MID2: variants seen among roughly 807,000 people sequenced by gnomAD.
MID2 encodes probable E3 ubiquitin-protein ligase MID2.
A neutral mutation model predicts 46.1 loss-of-function variants in MID2; 13 were observed. The ratio of observed to expected loss-of-function variants is 0.28; its 90% CI spans 0.18 to 0.45. The LOEUF is 0.45. Ranked by LOEUF, MID2 falls within the 20% of genes least tolerant of loss-of-function variation. The probability of loss-of-function intolerance (pLI) is 1.00; values close to 1 mark genes in which losing one functional copy is unlikely to be tolerated. For missense variants in MID2, 431 were observed against 575.4 expected (o/e 0.75, Z 2.57); for synonymous variants, 199 against 212.3 (o/e 0.94, Z 0.55).
chrX:107,877,841 G>A (rs1602480462), intron 3 of MID2, among the ~76,000 whole-genome samples: 2 of 110,819 alleles, frequency 1.8e-5, no homozygotes, highest in African/African-American at 6.6e-5. Context: ...TTAAAATTGA[G>A]TTTAGGGCAA....
chrX:107,908,294 C>T (rs948714041), intron 5 of MID2, among the ~76,000 whole-genome samples: 1 of 111,897 alleles, frequency 8.9e-6, no homozygotes, highest in African/African-American at 3.3e-5. Flanking sequence ...CACTTCCTTC[C>T]TCTCTATTCG....
rs1238961312 is a variant in MID2 at position 107,930,286 on chromosome X, G to A, written c.*3213G>A. On this transcript the variant is annotated 3_prime_UTR_variant, in exon 10 of 10. Coordinates refer to ENST00000262843, the MANE Select transcript of MID2 (RefSeq NM_012216.4). ...GCTTGGTTACTACTCCATTTGAGCTGTATTAATTCTATTTTGCAGAGATAT... is the reference window on the plus strand; with the variant it reads ...GCTTGGTTACTACTCCATTTGAGCTATATTAATTCTATTTTGCAGAGATAT... Among the ~76,000 whole-genome samples the A allele has an allele frequency of 8.9e-6, 1 of 111,736 alleles. No individual in the cohort carries two copies. Among genetic ancestry groups the A allele is most frequent in the Admixed American group, 9.5e-5 (1 of 10,562 alleles).
chrX:107,926,528 A>G (rs1174498214), intron 9 of MID2, 143 bp from the exon 10 acceptor site: 37 of 627,591 alleles, frequency 5.9e-5, no homozygotes, highest in Non-Finnish European at 8.2e-5. Context: ...TTAAAGCTCT[A>G]GTGATATCAG....
At chrX:107,887,963 T>C (rs1162179086) in intron 3 of MID2, among the ~76,000 whole-genome samples, 1 of 111,993 alleles carries the variant, frequency 8.9e-6, no homozygotes, top group Non-Finnish European at 1.9e-5. Flanking sequence ...GTGGGATCGG[T>C]GGTGATATCT....
chrX:107,840,597 G>A, intron 1 of MID2, 73 bp from the exon 2 acceptor site: 1 of 844,304 alleles, frequency 1.2e-6, no homozygotes, highest in Non-Finnish European at 1.7e-6. Flanking sequence ...GCGCCCATTG[G>A]TTAGTGTATA....
chrX:107,871,642 A>C (rs770408834), intron 3 of MID2, among the ~76,000 whole-genome samples: 1 of 111,199 alleles, frequency 9.0e-6, no homozygotes, highest in East Asian at 2.8e-4. Context: ...TTTTATTGCC[A>C]ATGAAAGTGG....
chrX:107,851,853 CTTTT>C (rs1322310910), intron 2 of MID2, among the ~76,000 whole-genome samples: 20 of 81,530 alleles, frequency 2.5e-4, no homozygotes, highest in South Asian at 1.5e-3. Flanking sequence ...TTTCTTTATA[CTTTT>C]TATTTATTTA....
chrX:107,866,437 ACACAC>A (rs1931958495), intron 3 of MID2, among the ~76,000 whole-genome samples: 1 of 88,708 alleles, frequency 1.1e-5, no homozygotes, highest in Non-Finnish European at 2.2e-5. Flanking sequence ...ACACACACAC[ACACAC>A]ACACACACAC....
chrX:107,866,422 AACACACACACACAC>A (rs57100746), intron 3 of MID2, among the ~76,000 whole-genome samples: 1,355 of 81,167 alleles, frequency 0.017, 31 homozygotes, highest in African/African-American at 0.049. Flanking sequence ...AGCCACTGAA[AACACACACACACAC>A]ACACACACAC....
chrX:107,918,791 A>C (rs2147872418), intron 7 of MID2, among the ~76,000 whole-genome samples: 1 of 112,223 alleles, frequency 8.9e-6, no homozygotes, highest in Non-Finnish European at 1.9e-5. Context: ...AGCGCCAACA[A>C]CTGTGCTTCT....
At chrX:107,842,659 C>T (rs1028226602) in intron 2 of MID2, among the ~76,000 whole-genome samples, 1 of 111,740 alleles carries the variant, frequency 8.9e-6, no homozygotes, top group Non-Finnish European at 1.9e-5. Flanking sequence ...ATGGTTTGTG[C>T]CTCTTTTGGT....
At chrX:107,901,487 A>C (rs141096806) in intron 3 of MID2, among the ~76,000 whole-genome samples, 2,208 of 111,694 alleles carry the variant, frequency 0.02, 41 homozygotes, top group African/African-American at 0.068. Flanking sequence ...AACAAAGTGG[A>C]CATGTCTAAT....
chrX:107,930,937 G>A lies in MID2; in HGVS notation c.*3864G>A, dbSNP rs1376959281. Among the ~76,000 whole-genome samples the A allele has an allele frequency of 8.9e-6, 1 of 112,268 alleles. No homozygotes were observed. Among genetic ancestry groups the A allele is most frequent in the Admixed American group, 9.4e-5 (1 of 10,607 alleles). ...AATAATCAAAAATAAAGTAAAACCT[G>A]TTTTGAGAGTATGAAAGAAATTTTA... On this transcript the variant is annotated 3_prime_UTR_variant, in exon 10 of 10. Coordinates refer to ENST00000262843, the MANE Select transcript of MID2 (RefSeq NM_012216.4).
intron 3 of MID2, among the ~76,000 whole-genome samples, chrX:107,865,752 A>G (rs1931942592): frequency 8.9e-6 from 1 of 112,766 alleles, no homozygotes. Context: ...CATCAAAGGC[A>G]CAAAACAATC....
intron 3 of MID2, among the ~76,000 whole-genome samples, chrX:107,889,260 G>A (rs1278806744): frequency 2.9e-4 from 32 of 111,570 alleles, no homozygotes; most frequent in African/African-American, 8.8e-4. Context: ...GGCTGGTACC[G>A]GTTATTCCTT....
At chrX:107,844,465 A>G (rs930769140) in intron 2 of MID2, among the ~76,000 whole-genome samples, 3 of 111,614 alleles carry the variant, frequency 2.7e-5, no homozygotes, top group South Asian at 7.6e-4. Context: ...CCCAATATAT[A>G]TCTTAGTTCA....
chrX:107,909,021 T>C (rs1932861118), intron 5 of MID2, among the ~76,000 whole-genome samples: 1 of 111,935 alleles, frequency 8.9e-6, no homozygotes, highest in Admixed American at 9.4e-5. Context: ...ATGGATTGTA[T>C]TTTCTTGATT....
intron 3 of MID2, among the ~76,000 whole-genome samples, chrX:107,900,132 C>G (rs1475619328): frequency 9.0e-6 from 1 of 111,497 alleles, no homozygotes; most frequent in Non-Finnish European, 1.9e-5. Context: ...CTTCAGCCAA[C>G]TTTTCATTCT....
rs1193188324 is a variant in MID2, at chrX:107,845,523, A to ACTCTCTCT, written c.720+4139_720+4140insTCTCTCTC. 8.7e-4 allele frequency among the ~76,000 whole-genome samples: 75 copies of ACTCTCTCT among 85,907 alleles called. 1 individual carries two copies. Among genetic ancestry groups the ACTCTCTCT allele is most frequent in the African/African-American group, 4.7e-3 (65 of 13,930 alleles). 74.6% of individuals were successfully genotyped at this position (85,907 alleles called of 115,157 possible). ...CACACACACACACACACACACACAC[A>ACTCTCTCT]CACTCTCTCTCTCTCTCTCTCTCTC... On this transcript the variant is annotated intron_variant, in intron 2 of 9. Coordinates refer to ENST00000262843, the MANE Select transcript of MID2 (RefSeq NM_012216.4).
Sources: gnomAD v4.1 joint callset for allele counts (sites outside exome capture counted in the v4.1 genomes callset) on GRCh38, gnomAD v4.1.1 for gene constraint, MANE v1.5 for transcripts, NCBI Gene and HGNC (gene_info 2026-07-23, HGNC 2026-07-21) for gene names.